SLC24A3: variants seen among roughly 807,000 people sequenced by gnomAD.
SLC24A3 encodes solute carrier family 24 member 3.
A neutral mutation model predicts 75.8 loss-of-function variants in SLC24A3; 28 were observed. The ratio of observed to expected loss-of-function variants is 0.37; its 90% CI spans 0.27 to 0.51. SLC24A3 has a LOEUF of 0.51. Ranked by LOEUF, SLC24A3 falls within the 20% of genes least tolerant of loss-of-function variation. The pLI is 0.94. For synonymous variants in SLC24A3, 372 were observed against 334.1 expected (o/e 1.11, Z -1.24); for missense variants, 663 against 847.8 (o/e 0.78, Z 2.71).
chr20:19,615,938 G>A (rs1679372506), intron 6 of SLC24A3, among the ~76,000 whole-genome samples: 1 of 152,156 alleles, frequency 6.6e-6, no homozygotes, highest in South Asian at 2.1e-4. Flanking sequence ...CTCTTCCCCA[G>A]CTTGCAGACA....
intron 1 of SLC24A3, among the ~76,000 whole-genome samples, chr20:19,248,428 T>G (rs1158602962): frequency 1.3e-5 from 2 of 152,316 alleles, no homozygotes; most frequent in East Asian, 3.9e-4. Flanking sequence ...AAAACTCTCT[T>G]AGTATTGGTT....
At chr20:19,293,474 C>T (rs958896577) in intron 2 of SLC24A3, among the ~76,000 whole-genome samples, 1 of 151,600 alleles carries the variant, frequency 6.6e-6, no homozygotes, top group Non-Finnish European at 1.5e-5. Context: ...TGGCCAACAT[C>T]GTGAAAACCC....
intron 3 of SLC24A3, among the ~76,000 whole-genome samples, chr20:19,527,635 C>A (rs1331378111): frequency 6.6e-6 from 1 of 152,194 alleles, no homozygotes; most frequent in African/African-American, 2.4e-5. Context: ...TGCCCTGTCT[C>A]TCTAAGAGGT....
intron 2 of SLC24A3, among the ~76,000 whole-genome samples, chr20:19,391,271 G>A (rs1252858657): frequency 2.0e-5 from 3 of 152,180 alleles, no homozygotes; most frequent in African/African-American, 7.2e-5. Flanking sequence ...CTGGGCCATA[G>A]TGAACCACCA....
intron 2 of SLC24A3, among the ~76,000 whole-genome samples, chr20:19,481,643 T>C (rs1988055799): frequency 6.6e-6 from 1 of 152,060 alleles, no homozygotes; most frequent in Non-Finnish European, 1.5e-5. Flanking sequence ...TGATTTGGGA[T>C]GAGCAGAGTT....
intron 2 of SLC24A3, among the ~76,000 whole-genome samples, chr20:19,286,317 G>A (rs1983817318): frequency 6.6e-6 from 1 of 152,094 alleles, no homozygotes; most frequent in African/African-American, 2.4e-5. Flanking sequence ...GCAACAGGAG[G>A]GGAGGTTCAA....
At chr20:19,341,158 G>A (rs1056083600) in intron 2 of SLC24A3, among the ~76,000 whole-genome samples, 5 of 152,208 alleles carry the variant, frequency 3.3e-5, no homozygotes, top group African/African-American at 1.2e-4. Context: ...TGGGTAGCGG[G>A]AGTTTTTGAG....
chr20:19,697,925 A>G (rs1439937985), intron 14 of SLC24A3, among the ~76,000 whole-genome samples: 1 of 152,308 alleles, frequency 6.6e-6, no homozygotes, highest in Admixed American at 6.5e-5. Flanking sequence ...ACATTGCTGT[A>G]AAGAAATACC....
intron 10 of SLC24A3, 90 bp from the exon 11 acceptor site, chr20:19,684,086 A>G: frequency 7.0e-7 from 1 of 1,419,088 alleles, no homozygotes; most frequent in Non-Finnish European, 9.7e-7. Context: ...GAAGGGAGGA[A>G]GAGAAAAGAA....
At chr20:19,227,937 C>T (rs1198928635) in intron 1 of SLC24A3, among the ~76,000 whole-genome samples, 1 of 152,062 alleles carries the variant, frequency 6.6e-6, no homozygotes, top group African/African-American at 2.4e-5. Context: ...GGAAAAATGG[C>T]ATTTTATAAT....
intron 12 of SLC24A3, among the ~76,000 whole-genome samples, chr20:19,692,850 CAG>C (rs777458928): frequency 4.0e-5 from 6 of 150,840 alleles, no homozygotes; most frequent in Non-Finnish European, 7.4e-5. Flanking sequence ...ACGTGGAAAA[CAG>C]AAGCCCACTG....
chr20:19,608,516 A>G (rs768447812), intron 6 of SLC24A3, among the ~76,000 whole-genome samples: 1 of 152,210 alleles, frequency 6.6e-6, no homozygotes, highest in Non-Finnish European at 1.5e-5. Flanking sequence ...ACACAGTTCT[A>G]TGAGAAGCAT....
chr20:19,456,642 T>C (rs1255319971), intron 2 of SLC24A3, among the ~76,000 whole-genome samples: 2 of 152,270 alleles, frequency 1.3e-5, no homozygotes, highest in African/African-American at 4.8e-5. Flanking sequence ...TGCTGTGAGA[T>C]GGCCAGGATG....
At chr20:19,692,088 C>T (rs2032751030) in intron 12 of SLC24A3, among the ~76,000 whole-genome samples, 2 of 152,142 alleles carry the variant, frequency 1.3e-5, no homozygotes, top group Non-Finnish European at 2.9e-5. Context: ...ATATATGAAA[C>T]AAATACTGGA....
At chr20:19,361,157 C>T (rs1985779611) in intron 2 of SLC24A3, among the ~76,000 whole-genome samples, 1 of 152,208 alleles carries the variant, frequency 6.6e-6, no homozygotes, top group Non-Finnish European at 1.5e-5. Flanking sequence ...ACATTCTGTT[C>T]TTTTGCAGAT....
chr20:19,566,064 C>T (rs2030952703), intron 3 of SLC24A3, among the ~76,000 whole-genome samples: 1 of 152,140 alleles, frequency 6.6e-6, no homozygotes, highest in South Asian at 2.1e-4. Context: ...CATTCAAATT[C>T]CAGAAGGAGT....
intron 12 of SLC24A3, among the ~76,000 whole-genome samples, chr20:19,691,096 T>G (rs2032739896): frequency 6.6e-6 from 1 of 152,230 alleles, no homozygotes; most frequent in African/African-American, 2.4e-5. Flanking sequence ...TAGACTTTAT[T>G]CTAATTTGAG....
intron 1 of SLC24A3, among the ~76,000 whole-genome samples, chr20:19,263,772 A>G (rs1479820339): frequency 6.6e-6 from 1 of 152,178 alleles, no homozygotes; most frequent in Non-Finnish European, 1.5e-5. Context: ...GTTGCAAGCA[A>G]TGGGCCAAAG....
chr20:19,321,653 T>C (rs1158877639), intron 2 of SLC24A3, among the ~76,000 whole-genome samples: 2 of 152,204 alleles, frequency 1.3e-5, no homozygotes, highest in African/African-American at 4.8e-5. Context: ...GGGCTTAAAA[T>C]AATTAAAACC....
Sources: allele counts gnomAD v4.1 joint callset (sites outside exome capture counted in the v4.1 genomes callset), GRCh38; gene constraint gnomAD v4.1.1; transcripts MANE v1.5; gene names NCBI Gene and HGNC (gene_info 2026-07-23, HGNC 2026-07-21).